KHDRBS2: variants seen among roughly 807,000 people sequenced by gnomAD.
KHDRBS2 encodes KH RNA binding domain containing, signal transduction associated 2.
In KHDRBS2, 26 loss-of-function variants were observed where a neutral mutation model predicts 44.3. That is an observed-to-expected ratio of 0.59 (90% confidence interval 0.43 to 0.81). The LOEUF is 0.81. Among genes scored for constraint, KHDRBS2 ranks in the 40% least tolerant of loss-of-function variants. The pLI is 0.00. For missense variants in KHDRBS2, 476 were observed against 433.1 expected (o/e 1.10, Z -0.88); for synonymous variants, 194 against 151.1 (o/e 1.28, Z -2.08).
At chr6:62,181,243 C>A (rs1446726970) in intron 1 of KHDRBS2, among the ~76,000 whole-genome samples, 4 of 151,724 alleles carry the variant, frequency 2.6e-5, no homozygotes, top group African/African-American at 9.7e-5. Context: ...AAACAGTCAA[C>A]AAAATGAAAA....
intron 2 of KHDRBS2, among the ~76,000 whole-genome samples, chr6:62,141,913 A>G (rs571180681): frequency 3.9e-5 from 6 of 152,242 alleles, no homozygotes; most frequent in Admixed American, 3.3e-4. Flanking sequence ...GCTTAAAAAT[A>G]TGCCTTTCCT....
intron 2 of KHDRBS2, among the ~76,000 whole-genome samples, chr6:62,112,257 T>G (rs1379670520): frequency 2.0e-5 from 3 of 152,092 alleles, no homozygotes; most frequent in Non-Finnish European, 4.4e-5. Flanking sequence ...ACTTGCAAAA[T>G]TTCTTTTATG....
chr6:61,659,050 A>C, the KHDRBS2 span: 2 of 151,816 alleles, frequency 1.3e-5, no homozygotes, highest in Non-Finnish European at 2.9e-5. Context: ...AAAGTTCCTA[A>C]ATTATGGTAA....
the KHDRBS2 span, among the ~76,000 whole-genome samples, chr6:61,609,676 G>A: frequency 3.9e-5 from 6 of 152,138 alleles, no homozygotes; most frequent in Admixed American, 2.6e-4. Flanking sequence ...AACTAGAAAA[G>A]GGTTAATGAA....
chr6:61,951,073 T>C (rs1373743852), intron 4 of KHDRBS2, among the ~76,000 whole-genome samples: 1 of 152,044 alleles, frequency 6.6e-6, no homozygotes, highest in Admixed American at 6.6e-5. Context: ...TTCTGTTCTA[T>C]GCAGAAATAG....
intron 4 of KHDRBS2, among the ~76,000 whole-genome samples, chr6:61,961,169 C>T (rs532180330): frequency 2.6e-5 from 4 of 152,160 alleles, no homozygotes; most frequent in African/African-American, 9.6e-5. Context: ...AATAAACTTT[C>T]ATTCGTTGAT....
the KHDRBS2 span, chr6:61,574,381 G>T: frequency 6.6e-7 from 1 of 1,525,902 alleles, no homozygotes. Context: ...CAACTGACCT[G>T]CCCGTGAAGA....
At chr6:61,845,986 T>G (rs565212588) in intron 6 of KHDRBS2, among the ~76,000 whole-genome samples, 1 of 152,098 alleles carries the variant, frequency 6.6e-6, no homozygotes, top group Admixed American at 6.5e-5. Flanking sequence ...TGATAGTGAG[T>G]TTTCATGAGA....
intron 6 of KHDRBS2, among the ~76,000 whole-genome samples, chr6:61,733,905 C>T (rs930798720): frequency 2.0e-5 from 3 of 151,832 alleles, no homozygotes; most frequent in African/African-American, 7.2e-5. Flanking sequence ...ATCTCTTTCC[C>T]TGGAATACAC....
intron 6 of KHDRBS2, among the ~76,000 whole-genome samples, chr6:61,765,205 C>T (rs1307679255): frequency 6.6e-6 from 1 of 152,134 alleles, no homozygotes; most frequent in Non-Finnish European, 1.5e-5. Flanking sequence ...ATAATCCCAG[C>T]ATTTTGGAAG....
chr6:61,561,734 C>A, the KHDRBS2 span, among the ~76,000 whole-genome samples: 172 of 152,246 alleles, frequency 1.1e-3, no homozygotes, highest in African/African-American at 4.0e-3. Context: ...GGTACTTACC[C>A]CTCAGGGCAG....
intron 1 of KHDRBS2, among the ~76,000 whole-genome samples, chr6:62,251,559 T>C (rs1369157247): frequency 6.6e-6 from 1 of 151,894 alleles, no homozygotes; most frequent in East Asian, 1.9e-4. Flanking sequence ...GTCCCTACAC[T>C]TACAACAATT....
chr6:61,795,160 A>G (rs1357721343), intron 6 of KHDRBS2, among the ~76,000 whole-genome samples: 1 of 151,492 alleles, frequency 6.6e-6, no homozygotes, highest in African/African-American at 2.4e-5. Context: ...AAAAAAAAAA[A>G]AAAAAAAAAA....
chr6:61,857,750 G>A (rs1796348970), intron 6 of KHDRBS2, among the ~76,000 whole-genome samples: 1 of 151,888 alleles, frequency 6.6e-6, no homozygotes, highest in Non-Finnish European at 1.5e-5. Context: ...CAATGCCGAT[G>A]GGACTATAAA....
intron 6 of KHDRBS2, among the ~76,000 whole-genome samples, chr6:61,840,718 C>T (rs142204392): frequency 3.2e-4 from 48 of 152,210 alleles, no homozygotes; most frequent in African/African-American, 1.0e-3. Context: ...CTGCATTCTA[C>T]GGTGAATCCT....
intron 4 of KHDRBS2, among the ~76,000 whole-genome samples, chr6:61,908,491 G>C (rs534462108): frequency 5.9e-5 from 9 of 151,816 alleles, no homozygotes; most frequent in Non-Finnish European, 1.3e-4. Context: ...AAAATTAGCC[G>C]GGCGTGGTGG....
the KHDRBS2 span, among the ~76,000 whole-genome samples, chr6:61,548,034 T>C: frequency 6.6e-6 from 1 of 152,126 alleles, no homozygotes; most frequent in African/African-American, 2.4e-5. Flanking sequence ...TGACTGATCA[T>C]TCCACAGAGC....
chr6:62,052,198 G>GCATT (rs1167913483), intron 2 of KHDRBS2, among the ~76,000 whole-genome samples: 1 of 151,954 alleles, frequency 6.6e-6, no homozygotes, highest in African/African-American at 2.4e-5. Context: ...GTTTATTGTA[G>GCATT]CATTATTCAT....
At chr6:61,566,359 A>G in the KHDRBS2 span, among the ~76,000 whole-genome samples, 3 of 152,308 alleles carry the variant, frequency 2.0e-5, no homozygotes, top group East Asian at 3.9e-4. Context: ...ACAATAATGC[A>G]TAATGTATTT....
Sources: allele counts gnomAD v4.1 joint callset (sites outside exome capture counted in the v4.1 genomes callset), GRCh38; gene constraint gnomAD v4.1.1; transcripts MANE v1.5; gene names NCBI Gene and HGNC (gene_info 2026-07-23, HGNC 2026-07-21).